Variants in PABPC1L observed in about 807,000 individuals in gnomAD.
PABPC1L encodes the protein poly(A) binding protein cytoplasmic 1 like, also known as polyadenylate-binding protein 1-like.
PABPC1L carries 31 observed loss-of-function variants against 66.6 expected under a neutral mutation model. The observed-to-expected ratio is 0.47, with a 90% CI of 0.35 to 0.63. PABPC1L has a LOEUF of 0.63. Ranked by LOEUF, PABPC1L falls within the 20% of genes least tolerant of loss-of-function variation. The pLI is 0.00. For synonymous variants in PABPC1L, 348 were observed against 335.1 expected, an observed-to-expected ratio of 1.04 and a Z score of -0.42; for missense variants, 722 against 848.8, an observed-to-expected ratio of 0.85 and a Z score of 1.86.
rs185090133 is a variant in PABPC1L at position 44,937,980 on chromosome 20, A to G, written c.1661-81A>G. ...CTGGGAGAAGAACCCAGATGTCCTC[A>G]GTGCTCCACTCCATACGAGCCCTGG... On this transcript the variant is annotated intron_variant, in intron 12 of 14. Transcript: ENST00000217073. 3.0e-3 allele frequency: 4,688 copies of G among 1,584,432 alleles called. 11 individuals are homozygous for G. Among genetic ancestry groups the G allele is most frequent in the Non-Finnish European group, 3.5e-3 (4,098 of 1,166,864 alleles).
At chr20:44,928,764 TGA>T (rs2066827884) in intron 7 of PABPC1L, among the ~76,000 whole-genome samples, 1 of 146,448 alleles carries the variant, frequency 6.8e-6, no homozygotes, top group South Asian at 2.1e-4. Flanking sequence ...CTTGGGAGAC[TGA>T]GTTGAGAGGA....
rs1601128360 is a variant in PABPC1L, at chr20:44,937,055, A to G, written c.1660+325A>G. The G allele has an allele frequency of 4.2e-5, 21 of 496,790 alleles. No homozygotes were observed. In the Admixed American group the frequency reaches 4.6e-4, roughly 11 times the overall value. 30.8% of individuals were successfully genotyped at this position (496,790 alleles called of 1,614,324 possible). On this transcript the variant is annotated intron_variant, in intron 12 of 14. Transcript: ENST00000217073. ...GTATGGTCTTGGGTTTCTGCTGAGA[A>G]ATGGCTTGTAGGTGGGGGGTTAAAG...
intron 7 of PABPC1L, 60 bp from the exon 8 acceptor site, chr20:44,930,400 G>T (rs1191776979): frequency 1.3e-6 from 2 of 1,564,154 alleles, no homozygotes; most frequent in African/African-American, 1.4e-5. Flanking sequence ...GAGGGAGGCA[G>T]CGCAGCCCCA....
At chr20:44,932,297 C>G (rs1438421807) in intron 8 of PABPC1L, 45 bp from the exon 9 acceptor site, 1 of 1,514,776 alleles carries the variant, frequency 6.6e-7, no homozygotes, top group African/African-American at 1.4e-5. Flanking sequence ...TTCTCACCTA[C>G]CCTGCCGCCA....
Position 44,910,096 on chromosome 20 carries a change from G to T in PABPC1L, c.-48G>T. ...CCGCCCGGGTGAGCGCGGGGCTGCTGGGTGACCCGGCTCCTGCTTGCCCCG... is the reference window on the plus strand; with the variant it reads ...CCGCCCGGGTGAGCGCGGGGCTGCTTGGTGACCCGGCTCCTGCTTGCCCCG... On this transcript the variant is annotated 5_prime_UTR_variant, in exon 1 of 15. Coordinates refer to ENST00000217073, the MANE Select transcript of PABPC1L (RefSeq NM_001372179.1). 1 of 1,489,902 alleles carries T rather than the reference G, an allele frequency of 6.7e-7. No individual in the cohort carries two copies. Among genetic ancestry groups the T allele is most frequent in the Non-Finnish European group, 9.1e-7 (1 of 1,104,816 alleles). The allele number at this position is 1,489,902 out of a possible 1,614,324, so 92.3% of individuals were successfully genotyped here.
chr20:44,915,400 G>C (rs2066731433), intron 2 of PABPC1L, among the ~76,000 whole-genome samples: 1 of 152,158 alleles, frequency 6.6e-6, no homozygotes, highest in Non-Finnish European at 1.5e-5. Context: ...CAACAAGAGG[G>C]ATGGGGGCTA....
chr20:44,910,283 C>A lies in PABPC1L; in HGVS notation c.140C>A (p.Ala47Asp). Residue 47 changes from alanine (A) to aspartate (D), a missense_variant, in exon 1 of 15, where the codon GCC (alanine) becomes GAC (aspartate). By Grantham distance (126) the Ala-to-Asp change is moderately radical. This residue lies in a region of PABPC1L where 284 missense variants were observed against 294.8 expected (regional missense o/e 0.96). Transcript: ENST00000217073. ...TCCATCCGCGTGTGCCGCGATGTAG[C>A]CACCCGGCGCTCGCTGGGCTACGCC... ...ILSIRVCRDV[A>D]TRRSLGYAYI... 1 of 1,550,324 alleles carries A rather than the reference C, an allele frequency of 6.5e-7. No individual in the cohort carries two copies. Among genetic ancestry groups the A allele is most frequent in the Non-Finnish European group, 8.7e-7 (1 of 1,146,256 alleles).
At chr20:44,925,230 A>T (rs79186866) in intron 7 of PABPC1L, among the ~76,000 whole-genome samples, 1 of 150,428 alleles carries the variant, frequency 6.6e-6, no homozygotes, top group African/African-American at 2.4e-5. Context: ...AAAAAAAAAA[A>T]GCGCCCAGAT....
Position 44,927,493 on chromosome 20 carries a change from G to A in PABPC1L, c.973-2967G>A, listed in dbSNP as rs142838261. 2.4e-3 allele frequency among the ~76,000 whole-genome samples: 368 copies of A among 151,822 alleles called. 2 individuals are homozygous for A. The highest frequency in any genetic ancestry group is 8.1e-3 in the African/African-American group (335 of 41,400). Reference sequence around the variant, plus strand: ...CTCCTGAGTAGCTGGGATTACAGGCGCCTCTCACCATGCCCAGCTAATTTT... The same window carrying A: ...CTCCTGAGTAGCTGGGATTACAGGCACCTCTCACCATGCCCAGCTAATTTT... On this transcript the variant is annotated intron_variant, in intron 7 of 14. Coordinates refer to ENST00000217073, the MANE Select transcript of PABPC1L (RefSeq NM_001372179.1).
intron 6 of PABPC1L, among the ~76,000 whole-genome samples, chr20:44,922,399 G>A (rs372450330): frequency 4.6e-5 from 7 of 152,146 alleles, no homozygotes; most frequent in South Asian, 2.1e-4. Context: ...CACCATGCCC[G>A]GCAAATTTTT....
At chr20:44,912,060 C>T (rs2066709166) in intron 1 of PABPC1L, among the ~76,000 whole-genome samples, 1 of 152,188 alleles carries the variant, frequency 6.6e-6, no homozygotes, top group Admixed American at 6.5e-5. Context: ...CTTTATTTTT[C>T]AGTCCCTCCA....
intron 2 of PABPC1L, among the ~76,000 whole-genome samples, chr20:44,914,485 G>T (rs1019961067): frequency 6.6e-6 from 1 of 152,144 alleles, no homozygotes; most frequent in African/African-American, 2.4e-5. Flanking sequence ...TGGGATTACA[G>T]GCGTGAGCCA....
In PABPC1L at chr20:44,932,487, G is replaced by A. The variant is rs1360337268; in HGVS notation, c.1330+55G>A. 11 of 1,489,562 alleles carry A rather than the reference G, an allele frequency of 7.4e-6. No individual in the cohort carries two copies. In the East Asian group the frequency reaches 1.8e-4, roughly 25 times the overall value. 92.3% of individuals were successfully genotyped at this position (1,489,562 alleles called of 1,614,324 possible). On this transcript the variant is annotated intron_variant, in intron 9 of 14. Transcript: ENST00000217073. Reference sequence around the variant, plus strand: ...ACTGGCCTATTGGTGTGGGCCCCGTGAGGCAGTCATAACACAGGGATGAAA... The same window carrying A: ...ACTGGCCTATTGGTGTGGGCCCCGTAAGGCAGTCATAACACAGGGATGAAA...
At chr20:44,928,877 A>AAG (rs1714161985) in intron 7 of PABPC1L, among the ~76,000 whole-genome samples, 1 of 150,258 alleles carries the variant, frequency 6.7e-6, no homozygotes, top group African/African-American at 2.5e-5. Context: ...AAAAAAAAAA[A>AAG]AAAAAAAAGA....
intron 6 of PABPC1L, among the ~76,000 whole-genome samples, chr20:44,922,003 C>G (rs1460005579): frequency 6.6e-6 from 1 of 152,122 alleles, no homozygotes; most frequent in Non-Finnish European, 1.5e-5. Flanking sequence ...TAGCATCCCA[C>G]CCAGCCCACT....
At chr20:44,913,941 A>G (rs141625885) in intron 2 of PABPC1L, among the ~76,000 whole-genome samples, 108 of 152,322 alleles carry the variant, frequency 7.1e-4, no homozygotes, top group African/African-American at 2.5e-3. Flanking sequence ...GATGTGAAAC[A>G]TATTAGGTGC....
intron 1 of PABPC1L, 115 bp downstream of exon 1, chr20:44,910,451 T>C (rs2066696519): frequency 4.1e-6 from 5 of 1,223,758 alleles, no homozygotes; most frequent in Non-Finnish European, 5.5e-6. Context: ...CCGGGGAAAC[T>C]GAGGCTCAAA....
At position 44,938,648 on chromosome 20, in the gene PABPC1L, GC is replaced by G. The variant is rs557819290; in HGVS notation, c.1792-19del. On this transcript the variant is annotated intron_variant, in intron 13 of 14. Coordinates refer to ENST00000217073, the MANE Select transcript of PABPC1L (RefSeq NM_001372179.1). ...TGACCTGCTAAGATAGCTGCACTAA[GC>G]CCCCCCGCCACTCATGTCTCACAGA... 6 of 1,583,406 alleles carry G rather than the reference GC, an allele frequency of 3.8e-6. No individual in the cohort carries two copies. The South Asian group carries it at 4.6e-5, about 12-fold the overall frequency.
chr20:44,917,923 C>T (rs981533419), intron 3 of PABPC1L, among the ~76,000 whole-genome samples: 1 of 152,170 alleles, frequency 6.6e-6, no homozygotes, highest in Non-Finnish European at 1.5e-5. Context: ...CCTGGTACAA[C>T]TTTGTTTGTG....
Sources: gnomAD v4.1 joint callset for allele counts (sites outside exome capture counted in the v4.1 genomes callset) on GRCh38, gnomAD v4.1.1 for gene constraint, gnomAD v4.1.1 regional missense constraint, MANE v1.5 for transcripts, NCBI Gene and HGNC (gene_info 2026-07-23, HGNC 2026-07-21) for gene names.